Variants in PCCA observed in about 807,000 individuals in gnomAD.
PCCA encodes propionyl-CoA carboxylase subunit alpha, also known as propionyl-CoA carboxylase alpha chain, mitochondrial.
In PCCA, 74 loss-of-function variants were observed where a neutral mutation model predicts 101.3. The ratio of observed to expected loss-of-function variants is 0.73; its 90% confidence interval spans 0.61 to 0.89. The LOEUF is 0.89. PCCA is among the 40% of genes least tolerant of loss of function. The pLI, the probability that PCCA is intolerant of heterozygous loss-of-function variation, is 0.00. For missense variants in PCCA, 891 were observed against 907.0 expected (o/e 0.98, Z 0.23); for synonymous variants, 294 against 313.6 (o/e 0.94, Z 0.66).
chr13:100,212,800 G>A (rs2059295088), intron 7 of PCCA, among the ~76,000 whole-genome samples: 2 of 150,964 alleles, frequency 1.3e-5, no homozygotes, highest in African/African-American at 2.4e-5. Context: ...TTGTGCTGTC[G>A]AATACTAGAT....
At chr13:100,183,575 A>C (rs918737909) in intron 6 of PCCA, among the ~76,000 whole-genome samples, 2 of 152,186 alleles carry the variant, frequency 1.3e-5, no homozygotes, top group Non-Finnish European at 2.9e-5. Context: ...TTCATGACGA[A>C]GGTGGCATTT....
chr13:100,506,160 C>T (rs920791048), intron 21 of PCCA, among the ~76,000 whole-genome samples: 4 of 152,084 alleles, frequency 2.6e-5, no homozygotes, highest in East Asian at 1.9e-4. Flanking sequence ...GCTGCCAGGA[C>T]GGGGGCCACA....
intron 18 of PCCA, among the ~76,000 whole-genome samples, chr13:100,361,713 C>G (rs1318732279): frequency 6.6e-6 from 1 of 152,124 alleles, no homozygotes; most frequent in East Asian, 1.9e-4. Flanking sequence ...TGCGGTTTCC[C>G]AGCCTCTAGC....
intron 16 of PCCA, among the ~76,000 whole-genome samples, chr13:100,312,139 C>G (rs1167410224): frequency 6.6e-6 from 1 of 152,092 alleles, no homozygotes; most frequent in African/African-American, 2.4e-5. Context: ...AATGAGTGAG[C>G]AAGTGATACT....
chr13:100,400,762 A>T (rs917562497), intron 19 of PCCA, among the ~76,000 whole-genome samples: 1 of 150,976 alleles, frequency 6.6e-6, no homozygotes. Flanking sequence ...AGTAGCTGGG[A>T]TTGTAGGTGC....
intron 21 of PCCA, among the ~76,000 whole-genome samples, chr13:100,452,177 TCTC>T (rs145131239): frequency 0.18 from 26,732 of 145,820 alleles, 2,790 homozygotes; most frequent in Admixed American, 0.22. Context: ...CTTTTTTCTT[TCTC>T]CTCTTTCTCG....
chr13:100,492,765 GAGA>G (rs1159658855), intron 21 of PCCA, among the ~76,000 whole-genome samples: 2 of 151,062 alleles, frequency 1.3e-5, no homozygotes, highest in Admixed American at 1.3e-4. Flanking sequence ...CAGTGCAGCA[GAGA>G]AGGAGAAAAG....
rs191945554 is a variant in PCCA, at chr13:100,464,220, G to A, written c.1899+14915G>A. Among the ~76,000 whole-genome samples the A allele has an allele frequency of 4.4e-3, 674 of 152,282 alleles. 5 individuals carry two copies. Among genetic ancestry groups the A allele is most frequent in the African/African-American group, 0.016 (647 of 41,554 alleles). ...ACCACTGCCAGATTGCTAGTGAACA[G>A]GATCGGGCAGGGGTGGGGGAGGAAT... On this transcript the variant is annotated intron_variant, in intron 21 of 23. Transcript: ENST00000376285.
chr13:100,274,627 T>A (rs1375958460), intron 12 of PCCA, among the ~76,000 whole-genome samples: 2 of 152,178 alleles, frequency 1.3e-5, no homozygotes, highest in African/African-American at 4.8e-5. Flanking sequence ...GTTCCTTGGC[T>A]TTGGCAGCAT....
In PCCA at chr13:100,515,667, C is replaced by T. The variant is rs562288506; in HGVS notation, c.2040+100C>T. 5.5e-5 allele frequency: 79 copies of T among 1,430,308 alleles called. No individual in the cohort carries two copies. The African/African-American group carries it at 1.0e-3, about 19-fold the overall frequency. 88.6% of individuals were successfully genotyped at this position (1,430,308 alleles called of 1,614,324 possible). On this transcript the variant is annotated intron_variant, in intron 22 of 23. Coordinates refer to ENST00000376285, the MANE Select transcript of PCCA (RefSeq NM_000282.4). ...CAGCACGATTCGGCTCTTTGCAGTT[C>T]TTACTTAACCGACGCCCCCTAAACA...
At chr13:100,238,736 G>A (rs1052806784) in intron 8 of PCCA, among the ~76,000 whole-genome samples, 11 of 152,064 alleles carry the variant, frequency 7.2e-5, no homozygotes, top group African/African-American at 2.4e-4. Flanking sequence ...ATTAAATTAT[G>A]TTTTATTAAA....
At position 100,263,648 on chromosome 13, in the gene PCCA, A is replaced by G. The variant is rs894504025; in HGVS notation, c.819+817A>G. 9.9e-5 allele frequency among the ~76,000 whole-genome samples: 15 copies of G among 152,282 alleles called. 1 individual carries two copies. Among genetic ancestry groups the G allele is most frequent in the Non-Finnish European group, 1.8e-4 (12 of 67,998 alleles). On this transcript the variant is annotated intron_variant, in intron 10 of 23. Transcript: ENST00000376285. The stretch of plus-strand genomic sequence containing the variant: ...TTTTCTAAAGTGAGAAAAAATATCC[A>G]AACTTATATAATCAGTTGGATGTTT...
At chr13:100,379,113 T>C (rs1241640854) in intron 19 of PCCA, among the ~76,000 whole-genome samples, 1 of 152,194 alleles carries the variant, frequency 6.6e-6, no homozygotes, top group Non-Finnish European at 1.5e-5. Context: ...ATCCATGCTG[T>C]TGGTTGGGTA....
rs141467279 is a variant in PCCA, at chr13:100,309,336, G to T, written c.1354-497G>T. Among the ~76,000 whole-genome samples the T allele has an allele frequency of 4.3e-3, 661 of 152,338 alleles. 6 individuals carry two copies. The East Asian group carries it at 0.047, about 11-fold the overall frequency. On this transcript the variant is annotated intron_variant, in intron 15 of 23. Transcript: ENST00000376285. ...CGCTTGAACCTGTGAGGCGGAGGTT[G>T]CAGTGAGCTGAGATTGCGCCACTGC...
intron 19 of PCCA, among the ~76,000 whole-genome samples, chr13:100,370,142 GGCAT>G (rs568292829): frequency 2.0e-3 from 287 of 140,458 alleles, no homozygotes; most frequent in African/African-American, 7.6e-3. Flanking sequence ...GGAGTGCAGT[GGCAT>G]GATCTCGGCT....
intron 22 of PCCA, among the ~76,000 whole-genome samples, chr13:100,522,063 G>A (rs372389148): frequency 1.3e-5 from 2 of 152,150 alleles, no homozygotes; most frequent in Non-Finnish European, 2.9e-5. Context: ...AAACAGTTGC[G>A]GTCTGAACAG....
At chr13:100,280,678 T>C (rs1295809599) in intron 12 of PCCA, among the ~76,000 whole-genome samples, 1 of 152,222 alleles carries the variant, frequency 6.6e-6, no homozygotes, top group Non-Finnish European at 1.5e-5. Flanking sequence ...GTCCCCCTTA[T>C]CCATAGTTTT....
At chr13:100,185,350 A>G (rs1178525352) in intron 6 of PCCA, among the ~76,000 whole-genome samples, 2 of 151,076 alleles carry the variant, frequency 1.3e-5, no homozygotes, top group East Asian at 3.9e-4. Flanking sequence ...TCTTTCTAAT[A>G]TTTTCTTTTT....
chr13:100,216,264 C>T (rs930485869), intron 7 of PCCA, among the ~76,000 whole-genome samples: 7 of 152,216 alleles, frequency 4.6e-5, no homozygotes, highest in Admixed American at 6.5e-5. Context: ...GAATAACAAG[C>T]GCAAGATTGT....
Sources: allele counts gnomAD v4.1 joint callset (sites outside exome capture counted in the v4.1 genomes callset), GRCh38; gene constraint gnomAD v4.1.1; transcripts MANE v1.5; gene names NCBI Gene and HGNC (gene_info 2026-07-23, HGNC 2026-07-21).